Variants in STX8 observed in about 807,000 individuals in gnomAD.
STX8 encodes syntaxin-8.
Under a neutral mutation model 37.5 loss-of-function variants are expected in STX8, and 23 were observed. The observed-to-expected ratio is 0.61, with a 90% CI of 0.44 to 0.87. The LOEUF is 0.87. Ranked by LOEUF, STX8 falls within the 40% of genes least tolerant of loss-of-function variation. The probability of loss-of-function intolerance (pLI) is 0.00; values close to 1 mark genes in which losing one functional copy is unlikely to be tolerated. For missense variants in STX8, 313 were observed against 284.7 expected (o/e 1.10, Z -0.71); for synonymous variants, 115 against 99.1 (o/e 1.16, Z -0.95).
chr17:9,496,856 T>C (rs1904424568), intron 5 of STX8, among the ~76,000 whole-genome samples: 1 of 152,052 alleles, frequency 6.6e-6, no homozygotes, highest in African/African-American at 2.4e-5. Flanking sequence ...CTACAAAAAG[T>C]AAGGGAACGA....
intron 7 of STX8, among the ~76,000 whole-genome samples, chr17:9,338,403 G>A (rs2142227341): frequency 6.6e-6 from 1 of 152,214 alleles, no homozygotes. Flanking sequence ...ATCCCCTGAA[G>A]ACACATGGTG....
rs1597720149 is a variant in STX8, at chr17:9,517,605, A to G, written c.324-12443T>C. On this transcript the variant is annotated intron_variant, in intron 4 of 7. Transcript: ENST00000306357. ...AGTGGCAGAGCTAAGGGTTCAGCCC[A>G]CATCTTGTGATTCTTAACCCAAGGC... 2.0e-5 allele frequency among the ~76,000 whole-genome samples: 3 copies of G among 152,142 alleles called. No homozygotes were observed. The South Asian group carries it at 6.2e-4, about 31-fold the overall frequency.
intron 6 of STX8, among the ~76,000 whole-genome samples, chr17:9,389,862 T>C (rs948190295): frequency 3.3e-5 from 5 of 152,154 alleles, no homozygotes; most frequent in Non-Finnish European, 5.9e-5. Context: ...AATTTATCAA[T>C]GGAAACCAAA....
At chr17:9,461,654 T>A (rs1905394710) in intron 6 of STX8, among the ~76,000 whole-genome samples, 1 of 152,146 alleles carries the variant, frequency 6.6e-6, no homozygotes, top group African/African-American at 2.4e-5. Flanking sequence ...AGGGACCAGT[T>A]TCATGGAAGA....
Position 9,493,473 on chromosome 17 carries a change from C to A in STX8, c.449-1552G>T, listed in dbSNP as rs547886534. On this transcript the variant is annotated intron_variant, in intron 5 of 7. Transcript: ENST00000306357. ...ACCAGCAACTTCTCCCAGCACACCC[C>A]CTCCTCGGGCAGGTTTATAACAAGA... Among the ~76,000 whole-genome samples, 4 of 152,156 alleles carry A rather than the reference C, an allele frequency of 2.6e-5. No homozygotes were observed. In the East Asian group the frequency reaches 7.7e-4, roughly 29 times the overall value.
chr17:9,474,988 C>CA (rs569919389), intron 6 of STX8, among the ~76,000 whole-genome samples: 5 of 151,842 alleles, frequency 3.3e-5, no homozygotes, highest in East Asian at 1.9e-4. Flanking sequence ...CAAAAACAAA[C>CA]AAAAAAAACT....
At chr17:9,437,602 T>C (rs1048070170) in intron 6 of STX8, among the ~76,000 whole-genome samples, 1 of 152,262 alleles carries the variant, frequency 6.6e-6, no homozygotes, top group African/African-American at 2.4e-5. Context: ...TGATTTCATG[T>C]TAGGCCTCAA....
chr17:9,433,875 CTCT>C (rs1914058297), intron 6 of STX8, among the ~76,000 whole-genome samples: 1 of 152,134 alleles, frequency 6.6e-6, no homozygotes, highest in African/African-American at 2.4e-5. Flanking sequence ...AAGAAAGATG[CTCT>C]TCTTGAGCAT....
intron 6 of STX8, among the ~76,000 whole-genome samples, chr17:9,460,627 C>T (rs1350271452): frequency 8.6e-5 from 12 of 139,750 alleles, no homozygotes; most frequent in Non-Finnish European, 1.5e-4. Flanking sequence ...GAGCCGAGAT[C>T]GTGCCACTGC....
At chr17:9,393,248 C>T (rs1461357276) in intron 6 of STX8, among the ~76,000 whole-genome samples, 1 of 152,154 alleles carries the variant, frequency 6.6e-6, no homozygotes, top group Non-Finnish European at 1.5e-5. Context: ...AATTCTATAA[C>T]CAGCAAAACT....
chr17:9,313,841 A>G (rs1490822407), intron 7 of STX8, among the ~76,000 whole-genome samples: 1 of 152,234 alleles, frequency 6.6e-6, no homozygotes, highest in Admixed American at 6.5e-5. Context: ...TATGTTAGCC[A>G]GGATGGTCTC....
intron 4 of STX8, among the ~76,000 whole-genome samples, chr17:9,517,756 C>A (rs1905195445): frequency 7.4e-6 from 1 of 135,224 alleles, no homozygotes; most frequent in Non-Finnish European, 1.5e-5. Flanking sequence ...GAGTTCAAGA[C>A]CAGCCTGGGC....
At chr17:9,387,355 G>A (rs1270365409) in intron 6 of STX8, among the ~76,000 whole-genome samples, 5 of 151,990 alleles carry the variant, frequency 3.3e-5, no homozygotes, top group Non-Finnish European at 7.4e-5. Context: ...GAGTGCAGTG[G>A]CACGATCTCG....
At chr17:9,363,226 T>C (rs577761394) in intron 7 of STX8, among the ~76,000 whole-genome samples, 15 of 152,334 alleles carry the variant, frequency 9.8e-5, no homozygotes, top group African/African-American at 3.6e-4. Flanking sequence ...ATTTTACATG[T>C]GAAAAGACAT....
intron 6 of STX8, among the ~76,000 whole-genome samples, chr17:9,427,509 G>T (rs1417173258): frequency 6.6e-6 from 1 of 152,172 alleles, no homozygotes; most frequent in African/African-American, 2.4e-5. Context: ...GGATGAAAAA[G>T]GCTGTTGGGG....
chr17:9,285,587 C>G (rs1417717291), intron 7 of STX8, among the ~76,000 whole-genome samples: 1 of 152,168 alleles, frequency 6.6e-6, no homozygotes, highest in Non-Finnish European at 1.5e-5. Flanking sequence ...AATGAGATGC[C>G]CATCTGTTCC....
intron 4 of STX8, among the ~76,000 whole-genome samples, chr17:9,518,539 C>A (rs1438064058): frequency 2.0e-5 from 3 of 152,146 alleles, no homozygotes; most frequent in African/African-American, 7.2e-5. Flanking sequence ...TTTCTCTGGG[C>A]AAGTCTATCT....
At chr17:9,500,807 C>G (rs1904582578) in intron 5 of STX8, among the ~76,000 whole-genome samples, 1 of 152,068 alleles carries the variant, frequency 6.6e-6, no homozygotes, top group Non-Finnish European at 1.5e-5. Flanking sequence ...TTGAGACCAT[C>G]CTGGCTAACA....
At chr17:9,365,486 G>A (rs1234033189) in intron 7 of STX8, among the ~76,000 whole-genome samples, 3 of 152,270 alleles carry the variant, frequency 2.0e-5, no homozygotes, top group Non-Finnish European at 4.4e-5. Context: ...TGGAAAAGGT[G>A]TTGCAGGCAA....
Sources: allele counts gnomAD v4.1 joint callset (sites outside exome capture counted in the v4.1 genomes callset), GRCh38; gene constraint gnomAD v4.1.1; transcripts MANE v1.5; gene names NCBI Gene and HGNC (gene_info 2026-07-23, HGNC 2026-07-21).